Variants in POLD3 observed in about 807,000 individuals in gnomAD.
The protein encoded by POLD3 is DNA polymerase delta subunit 3.
POLD3 carries 19 observed loss-of-function variants against 58.2 expected under a neutral mutation model. The observed-to-expected ratio is 0.33, with a 90% confidence interval of 0.23 to 0.48. The LOEUF is 0.48. Among genes scored for constraint, POLD3 ranks in the 20% least tolerant of loss-of-function variants. The probability of loss-of-function intolerance (pLI) is 0.99; values close to 1 mark genes in which losing one functional copy is unlikely to be tolerated. For synonymous variants in POLD3, 172 were observed against 193.5 expected (o/e 0.89, Z 0.92); for missense variants, 504 against 545.5 (o/e 0.92, Z 0.76).
Position 74,604,747 on chromosome 11 carries a change from C to T in POLD3, c.172C>T (p.His58Tyr). The T allele has an allele frequency of 6.2e-7, 1 of 1,610,986 alleles. No individual in the cohort carries two copies. Among genetic ancestry groups the T allele is most frequent in the South Asian group, 1.1e-5 (1 of 91,010 alleles). Reference protein sequence around the residue: ...KRKENSGAQLHVTYLVSGSLI... With the variant: ...KRKENSGAQLYVTYLVSGSLI... ...AAAAGAAAATTCAGGAGCCCAACTGCATGTTACCTACTTGGTGTCTGGCAG... is the reference window on the plus strand; with the variant it reads ...AAAAGAAAATTCAGGAGCCCAACTGTATGTTACCTACTTGGTGTCTGGCAG... The change falls in exon 3 of 12, where the codon CAT becomes TAT. Residue 58 changes from histidine (H) to tyrosine (Y), a missense_variant. This residue lies in a region of POLD3 where 119 missense variants were observed against 175.0 expected (regional missense o/e 0.68). Transcript: ENST00000263681.
At chr11:74,617,449 T>C (rs2032113459) in intron 5 of POLD3, among the ~76,000 whole-genome samples, 1 of 152,232 alleles carries the variant, frequency 6.6e-6, no homozygotes, top group Non-Finnish European at 1.5e-5. Context: ...TCGCCTAGGC[T>C]GGAGCGCAGT....
chr11:74,596,186 CT>C (rs1158780095), intron 2 of POLD3, among the ~76,000 whole-genome samples: 177 of 126,854 alleles, frequency 1.4e-3, no homozygotes, highest in Admixed American at 1.4e-3. Context: ...TTTTTTTTTT[CT>C]TTTTTTTTTT....
intron 2 of POLD3, among the ~76,000 whole-genome samples, chr11:74,600,961 T>C (rs1197881950): frequency 6.6e-6 from 1 of 152,056 alleles, no homozygotes; most frequent in Non-Finnish European, 1.5e-5. Context: ...TCAGGTGATC[T>C]GCCTGCCTTG....
downstream of POLD3, among the ~76,000 whole-genome samples, chr11:74,646,912 C>A (rs1181890628): frequency 6.6e-6 from 1 of 152,218 alleles, no homozygotes; most frequent in African/African-American, 2.4e-5. Context: ...TGGTCCCCAA[C>A]CTTTTTGGCA....
At chr11:74,596,372 G>T (rs2031257597) in intron 2 of POLD3, among the ~76,000 whole-genome samples, 1 of 151,492 alleles carries the variant, frequency 6.6e-6, no homozygotes, top group Non-Finnish European at 1.5e-5. Flanking sequence ...TTTTAGTAGA[G>T]TTGGGGTTTC....
At chr11:74,668,856 G>A (rs1427837974) in exon 5 of POLD3, 3 of 1,178,252 alleles carry the variant, frequency 2.5e-6, no homozygotes, top group African/African-American at 1.6e-5. Flanking sequence ...TGGAGAGGTA[G>A]GGTAGGATCT....
Position 74,629,301 on chromosome 11 carries a change from A to G in POLD3, c.984A>G (p.Glu328=). 1 of 1,604,628 alleles carries G rather than the reference A, an allele frequency of 6.2e-7. No homozygotes were observed. Among genetic ancestry groups the G allele is most frequent in the Non-Finnish European group, 8.5e-7 (1 of 1,172,984 alleles). The change falls in exon 9 of 12, where the codon GAA becomes GAG. Residue 328 remains glutamate (E), a synonymous_variant. Coordinates refer to ENST00000263681, the MANE Select transcript of POLD3 (RefSeq NM_006591.3). ...AGAGGAGAAGAATCAAACTTCCTGA[A>G]TCTGATAGCAGTGAAGATGAAGGTG... The part of the protein sequence containing the change: ...RKKRRRIKLP[E]SDSSEDEVFP...
intron 3 of POLD3, among the ~76,000 whole-genome samples, chr11:74,607,503 T>G (rs112296464): frequency 6.6e-6 from 1 of 151,728 alleles, no homozygotes; most frequent in Non-Finnish European, 1.5e-5. Flanking sequence ...CCTGACCTTG[T>G]GATCCACCCA....
At chr11:74,598,509 T>C (rs1327430898) in intron 2 of POLD3, among the ~76,000 whole-genome samples, 1 of 152,194 alleles carries the variant, frequency 6.6e-6, no homozygotes, top group African/African-American at 2.4e-5. Context: ...TAGATTCTTT[T>C]GCTTTGGAAT....
chr11:74,634,663 CCAAAGACT>C lies in POLD3; in HGVS notation c.1088_1095del (p.Pro363ArgfsTer3). 1 of 1,611,346 alleles carries C rather than the reference CCAAAGACT, an allele frequency of 6.2e-7. No homozygotes were observed. The highest frequency in any genetic ancestry group is 1.7e-5 in the Admixed American group (1 of 60,012). ...TCCGTCTCCACCTCTTGAACCAGTG[CCAAAGACT>C]GAGCCTGAACCTCCTTCTGTCAAGG... On this transcript the variant is annotated frameshift_variant, in exon 10 of 12. Transcript: ENST00000263681. LOFTEE classifies it high-confidence loss of function.
At chr11:74,605,049 A>C (rs1565113225) in intron 3 of POLD3, among the ~76,000 whole-genome samples, 1 of 152,168 alleles carries the variant, frequency 6.6e-6, no homozygotes, top group Non-Finnish European at 1.5e-5. Context: ...GTTATTCCCT[A>C]TATCTCTTTT....
At chr11:74,657,281 G>A (rs1591329315) in intron 4 of POLD3, among the ~76,000 whole-genome samples, 1 of 151,798 alleles carries the variant, frequency 6.6e-6, no homozygotes, top group East Asian at 1.9e-4. Flanking sequence ...TACATTCAAT[G>A]TTATTATTGA....
At chr11:74,627,538 A>G (rs747721235) in intron 8 of POLD3, among the ~76,000 whole-genome samples, 5 of 152,174 alleles carry the variant, frequency 3.3e-5, no homozygotes, top group Non-Finnish European at 7.4e-5. Flanking sequence ...AGTGTACAGT[A>G]ACATCCTAGG....
At chr11:74,606,028 C>T (rs989221647) in intron 3 of POLD3, among the ~76,000 whole-genome samples, 1 of 152,134 alleles carries the variant, frequency 6.6e-6, no homozygotes, top group Admixed American at 6.5e-5. Flanking sequence ...AAGGCTGCAG[C>T]GAGCTGTGAT....
Position 74,618,712 on chromosome 11 carries a change from A to C in POLD3, c.568A>C (p.Lys190Gln). ...PASKQVSQQP[K>Q]GIMGMFASKA... ...ATCCAAGCAGGTTTCCCAGCAGCCC[A>C]AAGGAATTATGGGAATGTTTGCCTC... Residue 190 changes from lysine to glutamine, a missense_variant, in exon 6 of 12, where the codon AAA becomes CAA. By Grantham distance (53) the Lys-to-Gln change is moderately conservative. Coordinates refer to ENST00000263681, the MANE Select transcript of POLD3 (RefSeq NM_006591.3). The C allele has an allele frequency of 1.9e-6, 3 of 1,614,204 alleles. No homozygotes were observed. Among genetic ancestry groups the C allele is most frequent in the Non-Finnish European group, 2.5e-6 (3 of 1,179,996 alleles).
chr11:74,620,129 G>T lies in POLD3; in HGVS notation c.733+40G>T, dbSNP rs563857521. 30 of 1,425,782 alleles carry T rather than the reference G, an allele frequency of 2.1e-5. No homozygotes were observed. In the South Asian group the frequency reaches 3.3e-4, roughly 16 times the overall value. The allele number at this position is 1,425,782 out of a possible 1,614,324, so 88.3% of individuals were successfully genotyped here. On this transcript the variant is annotated intron_variant, in intron 7 of 11. Coordinates refer to ENST00000263681, the MANE Select transcript of POLD3 (RefSeq NM_006591.3). The stretch of plus-strand genomic sequence containing the variant: ...ACCTCACTTTGACTAACGAATGAAT[G>T]TTAATGTAATGACATATTATACCTG...
intron 3 of POLD3, among the ~76,000 whole-genome samples, chr11:74,605,541 G>A (rs2031645523): frequency 6.6e-6 from 1 of 151,966 alleles, no homozygotes; most frequent in African/African-American, 2.4e-5. Flanking sequence ...CCCCTCTCTG[G>A]CGTCCTCCCA....
In POLD3 at chr11:74,626,619, A is replaced by C. The variant is rs191201419; in HGVS notation, c.899+1046A>C. Among the ~76,000 whole-genome samples, 103 of 152,328 alleles carry C rather than the reference A, an allele frequency of 6.8e-4. 1 individual carries two copies. Among genetic ancestry groups the C allele is most frequent in the African/African-American group, 2.3e-3 (96 of 41,576 alleles). ...ATCCTTTTTTATATATTGCTGGATT[A>C]GATTTGTTAATATTACACTAAGCAT... On this transcript the variant is annotated intron_variant, in intron 8 of 11. Transcript: ENST00000263681.
Position 74,640,544 on chromosome 11 carries a change from T to C in POLD3, c.1199-20T>C, listed in dbSNP as rs1440118083. 2 of 1,479,934 alleles carry C rather than the reference T, an allele frequency of 1.4e-6. No homozygotes were observed. The highest frequency in any genetic ancestry group is 1.8e-6 in the Non-Finnish European group (2 of 1,114,454). The allele number at this position is 1,479,934 out of a possible 1,614,324, so 91.7% of individuals were successfully genotyped here. A position where few individuals can be genotyped will look rare whatever the true frequency, so the allele number is the denominator to read the frequency against. On this transcript the variant is annotated intron_variant, in intron 11 of 11. Coordinates refer to ENST00000263681, the MANE Select transcript of POLD3 (RefSeq NM_006591.3). ...AATGATTCAGCCCACCCATGTTCCA[T>C]TTTTTTCTCATCCTACCAGTGACTG...
Sources: allele counts gnomAD v4.1 joint callset (sites outside exome capture counted in the v4.1 genomes callset), GRCh38; gene constraint gnomAD v4.1.1; regional missense constraint gnomAD v4.1.1; transcripts MANE v1.5; gene names NCBI Gene and HGNC (gene_info 2026-07-23, HGNC 2026-07-21).